Variants in ITFG1 observed in about 807,000 individuals in gnomAD.
ITFG1 encodes the protein integrin alpha FG-GAP repeat containing 1, also known as T-cell immunomodulatory protein.
A neutral mutation model predicts 81.8 loss-of-function variants in ITFG1; 34 were observed. The observed-to-expected ratio is 0.42, with a 90% CI of 0.32 to 0.55. ITFG1 has a LOEUF of 0.55. Among genes scored for constraint, ITFG1 ranks in the 20% least tolerant of loss-of-function variants. The pLI, the probability that ITFG1 is intolerant of heterozygous loss-of-function variation, is 0.17. For missense variants in ITFG1, 672 were observed against 755.4 expected, an observed-to-expected ratio of 0.89 and a Z score of 1.29; for synonymous variants, 285 against 270.6, an observed-to-expected ratio of 1.05 and a Z score of -0.52.
chr16:47,159,982 T>C (rs1216293291), intron 16 of ITFG1, among the ~76,000 whole-genome samples: 2 of 152,038 alleles, frequency 1.3e-5, no homozygotes, highest in Non-Finnish European at 2.9e-5. Context: ...ATGAAAAATG[T>C]TGAGATTACG....
chr16:47,240,129 G>GAAAAAAA (rs569857397), intron 12 of ITFG1, among the ~76,000 whole-genome samples: 1 of 107,256 alleles, frequency 9.3e-6, no homozygotes. Flanking sequence ...CTGTCTACCA[G>GAAAAAAA]AAAAAAAAAA....
chr16:47,205,036 T>G (rs1965475635), intron 14 of ITFG1, among the ~76,000 whole-genome samples: 1 of 152,242 alleles, frequency 6.6e-6, no homozygotes, highest in Non-Finnish European at 1.5e-5. Context: ...CTGTTTACAA[T>G]GCCACATGAT....
intron 6 of ITFG1, among the ~76,000 whole-genome samples, chr16:47,422,213 A>C (rs919106417): frequency 1.3e-5 from 2 of 152,214 alleles, no homozygotes; most frequent in Non-Finnish European, 2.9e-5. Flanking sequence ...TTGCTGGGTC[A>C]AATGGTATTT....
intron 10 of ITFG1, among the ~76,000 whole-genome samples, chr16:47,275,430 A>G (rs916306791): frequency 6.6e-6 from 1 of 152,190 alleles, no homozygotes; most frequent in South Asian, 2.1e-4. Flanking sequence ...AGTACATTTT[A>G]TATGAGAGAG....
Position 47,299,721 on chromosome 16 carries a change from G to A in ITFG1, c.1070+11519C>T, listed in dbSNP as rs143865806. The A allele has an allele frequency of 8.2e-3, 1,252 of 152,342 alleles. 10 individuals are homozygous for A. The highest frequency in any genetic ancestry group is 0.013 in the Non-Finnish European group (885 of 68,108). 9.4% of individuals were successfully genotyped at this position (152,342 alleles called of 1,614,324 possible). A position where few individuals can be genotyped will look rare whatever the true frequency, so the allele number is the denominator to read the frequency against. On this transcript the variant is annotated intron_variant, in intron 10 of 17. Coordinates refer to ENST00000320640, the MANE Select transcript of ITFG1 (RefSeq NM_030790.5). ...TCAACCTAGCGGGATACCATCCTAC[G>A]GCCTGCCACTGGCATCGAGCTGAGG...
intron 8 of ITFG1, among the ~76,000 whole-genome samples, chr16:47,314,972 T>C (rs1967329870): frequency 6.6e-6 from 1 of 152,174 alleles, no homozygotes; most frequent in Non-Finnish European, 1.5e-5. Context: ...AAAAGAATTT[T>C]AGGCTGAGTG....
At chr16:47,214,462 T>C (rs1345060268) in intron 14 of ITFG1, among the ~76,000 whole-genome samples, 3 of 152,176 alleles carry the variant, frequency 2.0e-5, no homozygotes, top group African/African-American at 7.2e-5. Flanking sequence ...CTACAAAATT[T>C]TGCCAATGTA....
At chr16:47,194,470 T>C (rs1965331526) in intron 14 of ITFG1, among the ~76,000 whole-genome samples, 1 of 152,180 alleles carries the variant, frequency 6.6e-6, no homozygotes, top group African/African-American at 2.4e-5. Flanking sequence ...AGTTCTTTCA[T>C]AAGACTCCAT....
At chr16:47,225,223 A>T (rs542279890) in intron 13 of ITFG1, among the ~76,000 whole-genome samples, 1 of 152,148 alleles carries the variant, frequency 6.6e-6, no homozygotes, top group Non-Finnish European at 1.5e-5. Flanking sequence ...AAGATATGTC[A>T]ATTCATATTA....
intron 10 of ITFG1, among the ~76,000 whole-genome samples, chr16:47,290,932 G>A (rs746921137): frequency 6.6e-6 from 1 of 152,010 alleles, no homozygotes; most frequent in Non-Finnish European, 1.5e-5. Context: ...TTTTTGCAGC[G>A]ACAAGGTTTA....
At chr16:47,324,022 A>G (rs1182484813) in intron 8 of ITFG1, among the ~76,000 whole-genome samples, 1 of 152,206 alleles carries the variant, frequency 6.6e-6, no homozygotes, top group Non-Finnish European at 1.5e-5. Flanking sequence ...AAAAATAAAT[A>G]TGTGTATATT....
intron 6 of ITFG1, among the ~76,000 whole-genome samples, chr16:47,421,040 T>G (rs1968939823): frequency 6.6e-6 from 1 of 152,116 alleles, no homozygotes; most frequent in Admixed American, 6.6e-5. Flanking sequence ...TCAATTACCT[T>G]TCATCGAATA....
At chr16:47,169,004 G>A (rs1057040528) in intron 14 of ITFG1, among the ~76,000 whole-genome samples, 11 of 151,984 alleles carry the variant, frequency 7.2e-5, no homozygotes, top group South Asian at 2.1e-4. Flanking sequence ...TTGAATGGTT[G>A]TGGTACTCCT....
chr16:47,444,733 C>T (rs139077811), intron 5 of ITFG1, among the ~76,000 whole-genome samples: 5 of 152,220 alleles, frequency 3.3e-5, no homozygotes, highest in South Asian at 2.1e-4. Flanking sequence ...GCTTTATCTA[C>T]GAATTTGATG....
intron 10 of ITFG1, among the ~76,000 whole-genome samples, chr16:47,270,247 T>G (rs978953198): frequency 6.6e-6 from 1 of 152,194 alleles, no homozygotes; most frequent in African/African-American, 2.4e-5. Context: ...TTGAAAGACA[T>G]TGTTCAGAAA....
chr16:47,440,019 A>G (rs1053952745), intron 5 of ITFG1, among the ~76,000 whole-genome samples: 1 of 152,318 alleles, frequency 6.6e-6, no homozygotes. Context: ...AAACAAAAAA[A>G]GGCAGGGGTT....
chr16:47,452,825 G>T, intron 3 of ITFG1, 35 bp from the exon 4 acceptor site: 1 of 1,124,584 alleles, frequency 8.9e-7, no homozygotes. Context: ...TGAATTAGCA[G>T]GCATTTTATA....
chr16:47,228,060 A>C (rs190976756), intron 13 of ITFG1, among the ~76,000 whole-genome samples: 28 of 152,340 alleles, frequency 1.8e-4, no homozygotes, highest in African/African-American at 6.7e-4. Context: ...GAAAACTGCA[A>C]GATATTTTCC....
intron 10 of ITFG1, among the ~76,000 whole-genome samples, chr16:47,308,556 A>G (rs1485066726): frequency 6.6e-6 from 1 of 152,230 alleles, no homozygotes; most frequent in Non-Finnish European, 1.5e-5. Context: ...ATCTCAGACT[A>G]TTTTCATATT....
Sources: allele counts gnomAD v4.1 joint callset (sites outside exome capture counted in the v4.1 genomes callset), GRCh38; gene constraint gnomAD v4.1.1; transcripts MANE v1.5; gene names NCBI Gene and HGNC (gene_info 2026-07-23, HGNC 2026-07-21).